The following SGCD variants were observed in gnomAD, a reference collection of about 807,000 sequenced individuals.
The protein encoded by SGCD is delta-sarcoglycan.
In SGCD, 18 loss-of-function variants were observed where a neutral mutation model predicts 36.6. The observed-to-expected ratio is 0.49, with a 90% CI of 0.34 to 0.73. The LOEUF (loss-of-function observed/expected upper bound fraction) is 0.73, where lower values mean the gene tolerates loss of function less well. Ranked by LOEUF, SGCD falls within the 30% of genes least tolerant of loss-of-function variation. The probability of loss-of-function intolerance (pLI) is 0.01; values close to 1 mark genes in which losing one functional copy is unlikely to be tolerated. For missense variants in SGCD, 387 were observed against 346.7 expected (o/e 1.12, Z -0.92); for synonymous variants, 133 against 130.6 (o/e 1.02, Z -0.12).
intron 3 of SGCD, among the ~76,000 whole-genome samples, chr5:156,206,176 A>G (rs1184434967): frequency 6.6e-6 from 1 of 151,654 alleles, no homozygotes; most frequent in African/African-American, 2.4e-5. Context: ...AAATGACTCC[A>G]AGTTTTTCAT....
At chr5:155,823,104 ATC>A in the SGCD span, among the ~76,000 whole-genome samples, 1 of 150,112 alleles carries the variant, frequency 6.7e-6, no homozygotes, top group East Asian at 2.0e-4. Flanking sequence ...CTATCTATCT[ATC>A]TATCTATCTG....
intron 3 of SGCD, among the ~76,000 whole-genome samples, chr5:156,492,549 C>G (rs537161200): frequency 1.8e-4 from 27 of 152,222 alleles, no homozygotes; most frequent in African/African-American, 6.0e-4. Flanking sequence ...TAGATATTTA[C>G]TATGTACAAC....
At chr5:156,476,421 G>C (rs1474073650) in intron 3 of SGCD, among the ~76,000 whole-genome samples, 1 of 152,096 alleles carries the variant, frequency 6.6e-6, no homozygotes, top group Non-Finnish European at 1.5e-5. Flanking sequence ...TGAATTAAAA[G>C]AAATAAAAGA....
At position 156,012,131 on chromosome 5, in the gene SGCD, T is replaced by C. The variant is rs1254275949; in HGVS notation, c.-281-105747T>C. Among the ~76,000 whole-genome samples the C allele has an allele frequency of 2.0e-5, 3 of 152,350 alleles. No homozygotes were observed. The East Asian group carries it at 5.8e-4, about 29-fold the overall frequency. On this transcript the variant is annotated intron_variant, in intron 1 of 9. Transcript: ENST00000517913. Reference sequence around the variant, plus strand: ...TATATATTCATTTCTAATTTTTATTTGCACCTATGACAATGGATCTCTAAA... The same window carrying C: ...TATATATTCATTTCTAATTTTTATTCGCACCTATGACAATGGATCTCTAAA...
intron 3 of SGCD, among the ~76,000 whole-genome samples, chr5:156,302,324 A>G (rs147316729): frequency 4.1e-4 from 62 of 152,158 alleles, no homozygotes; most frequent in African/African-American, 1.4e-3. Context: ...CAGTACATCA[A>G]TTGAATTTTT....
chr5:155,982,382 C>A (rs1321934120), intron 1 of SGCD, among the ~76,000 whole-genome samples: 1 of 152,168 alleles, frequency 6.6e-6, no homozygotes, highest in Non-Finnish European at 1.5e-5. Flanking sequence ...CTAGAAAGTT[C>A]TCAGTTGCTG....
intron 7 of SGCD, among the ~76,000 whole-genome samples, chr5:156,737,937 G>T (rs1581502549): frequency 6.6e-6 from 1 of 152,166 alleles, no homozygotes; most frequent in East Asian, 1.9e-4. Flanking sequence ...CTTCTATGAT[G>T]CACTGCCCCA....
chr5:155,915,914 T>C (rs1580988938), intron 1 of SGCD, among the ~76,000 whole-genome samples: 1 of 152,186 alleles, frequency 6.6e-6, no homozygotes. Flanking sequence ...GTGGGTACGA[T>C]GTACCAAAAT....
chr5:156,445,870 G>A (rs905177831), intron 3 of SGCD, among the ~76,000 whole-genome samples: 5 of 151,998 alleles, frequency 3.3e-5, no homozygotes, highest in African/African-American at 4.8e-5. Flanking sequence ...TTTAACCGTC[G>A]TGTGCTCTTG....
At chr5:155,947,703 G>T (rs1357366969) in intron 1 of SGCD, among the ~76,000 whole-genome samples, 1 of 152,062 alleles carries the variant, frequency 6.6e-6, no homozygotes, top group Non-Finnish European at 1.5e-5. Flanking sequence ...GAACAAGCAT[G>T]GCAGAGATGA....
At chr5:156,254,979 A>G (rs548764834) in intron 3 of SGCD, among the ~76,000 whole-genome samples, 63 of 152,356 alleles carry the variant, frequency 4.1e-4, no homozygotes, top group Admixed American at 1.2e-3. Flanking sequence ...GAACACCAAC[A>G]TAATACCACA....
intron 4 of SGCD, among the ~76,000 whole-genome samples, chr5:156,530,295 G>C (rs1247233743): frequency 6.6e-6 from 1 of 152,136 alleles, no homozygotes; most frequent in Admixed American, 6.5e-5. Context: ...AATAAGAGAG[G>C]AATATTTATG....
chr5:156,710,571 A>G (rs1213101537), intron 7 of SGCD, among the ~76,000 whole-genome samples: 1 of 152,186 alleles, frequency 6.6e-6, no homozygotes, highest in Non-Finnish European at 1.5e-5. Context: ...ACATTAATAC[A>G]TGTAAGATGT....
intron 1 of SGCD, among the ~76,000 whole-genome samples, chr5:155,901,479 A>G (rs2113338931): frequency 6.6e-6 from 1 of 152,254 alleles, no homozygotes; most frequent in African/African-American, 2.4e-5. Flanking sequence ...CTCTGGAAGG[A>G]GCTCTGACAT....
chr5:155,869,589 G>C (rs770548735), upstream of SGCD, among the ~76,000 whole-genome samples: 12 of 151,892 alleles, frequency 7.9e-5, no homozygotes, highest in Non-Finnish European at 1.6e-4. Flanking sequence ...AAACCATTCT[G>C]AACCCCAGGT....
intron 3 of SGCD, among the ~76,000 whole-genome samples, chr5:156,381,423 T>C (rs1770968404): frequency 6.6e-6 from 1 of 152,070 alleles, no homozygotes; most frequent in South Asian, 2.1e-4. Context: ...TTATACAGAA[T>C]ACGAATCTCG....
intron 2 of SGCD, among the ~76,000 whole-genome samples, chr5:156,333,904 G>T (rs1443526247): frequency 7.3e-6 from 1 of 136,118 alleles, no homozygotes; most frequent in Non-Finnish European, 1.5e-5. Context: ...AAGCGGAAAA[G>T]ACAGAAACCT....
intron 1 of SGCD, among the ~76,000 whole-genome samples, chr5:155,992,118 T>C (rs1685093517): frequency 6.6e-6 from 1 of 152,200 alleles, no homozygotes. Context: ...ATATACAATT[T>C]TTTCTCTTCT....
At position 156,291,754 on chromosome 5, in the gene SGCD, A is replaced by T. The variant is rs142999117; in HGVS notation, c.-43-37780A>T. ...CTATTATTATTATCTTTTTAAGATG[A>T]CAAATAAAAATTGTATGCATTTATG... On this transcript the variant is annotated intron_variant, in intron 3 of 9. Coordinates refer to the SGCD transcript ENST00000517913. Among the ~76,000 whole-genome samples, 173 of 152,212 alleles carry T rather than the reference A, an allele frequency of 1.1e-3. 1 individual carries two copies. The highest frequency in any genetic ancestry group is 4.0e-3 in the African/African-American group (167 of 41,538).
Sources: allele counts gnomAD v4.1 joint callset (sites outside exome capture counted in the v4.1 genomes callset), GRCh38; gene constraint gnomAD v4.1.1; transcripts MANE v1.5; gene names NCBI Gene and HGNC (gene_info 2026-07-23, HGNC 2026-07-21).